Variants in TULP4 observed in about 807,000 individuals in gnomAD.
TULP4 encodes the protein tubby-related protein 4.
Under a neutral mutation model 129.0 loss-of-function variants are expected in TULP4, and 16 were observed. The observed-to-expected ratio is 0.12, with a 90% CI of 0.08 to 0.19. The LOEUF (loss-of-function observed/expected upper bound fraction) is 0.19. Ranked by LOEUF, TULP4 falls within the 10% of genes least tolerant of loss-of-function variation. The pLI is 1.00. For synonymous variants in TULP4, 998 were observed against 854.0 expected, an observed-to-expected ratio of 1.17 and a Z score of -2.94; for missense variants, 1,842 against 2,059.1, an observed-to-expected ratio of 0.89 and a Z score of 2.04.
chr6:158,328,125 T>TGTGC (rs769242005), intron 1 of TULP4, among the ~76,000 whole-genome samples: 3 of 52,172 alleles, frequency 5.8e-5, no homozygotes, highest in Middle Eastern at 0.012. Flanking sequence ...TGTGTGTGTG[T>TGTGC]GTGCGTGCGT....
chr6:158,461,172 G>A (rs1283617117), intron 5 of TULP4, among the ~76,000 whole-genome samples: 2 of 152,202 alleles, frequency 1.3e-5, no homozygotes, highest in Non-Finnish European at 2.9e-5. Flanking sequence ...AGCACTTTGG[G>A]AGGCCAAGGC....
intron 1 of TULP4, among the ~76,000 whole-genome samples, chr6:158,316,399 G>A (rs936762178): frequency 2.0e-5 from 3 of 152,160 alleles, no homozygotes; most frequent in African/African-American, 7.2e-5. Flanking sequence ...TTAGTTGTAA[G>A]GCCAAGAGTA....
upstream of TULP4, among the ~76,000 whole-genome samples, chr6:158,311,248 C>T (rs1371104295): frequency 4.6e-5 from 7 of 152,202 alleles, no homozygotes; most frequent in East Asian, 9.6e-4. Flanking sequence ...CTTCCCTTCC[C>T]TTTCAGTGTC....
At chr6:158,487,582 C>T (rs535289188) in intron 8 of TULP4, among the ~76,000 whole-genome samples, 20 of 152,344 alleles carry the variant, frequency 1.3e-4, no homozygotes, top group African/African-American at 3.4e-4. Flanking sequence ...CATTTTTCTA[C>T]GACTTAGATG....
intron 1 of TULP4, among the ~76,000 whole-genome samples, chr6:158,352,030 T>A (rs1319909271): frequency 6.6e-6 from 1 of 152,036 alleles, no homozygotes; most frequent in Non-Finnish European, 1.5e-5. Context: ...CCCCATTATT[T>A]GTTTAAATAA....
chr6:158,417,385 C>G (rs550915501), intron 2 of TULP4, among the ~76,000 whole-genome samples: 19 of 152,292 alleles, frequency 1.2e-4, no homozygotes, highest in African/African-American at 4.3e-4. Context: ...CTGGAAGCAC[C>G]CAGAATCTCA....
At chr6:158,446,043 A>G (rs978778570) in intron 3 of TULP4, among the ~76,000 whole-genome samples, 6 of 152,358 alleles carry the variant, frequency 3.9e-5, no homozygotes, top group African/African-American at 1.2e-4. Flanking sequence ...ATTAGGGAGC[A>G]GAAGCAGCAG....
chr6:158,256,254 ATTG>A (rs1778239784), intron 1 of TULP4, among the ~76,000 whole-genome samples: 1 of 132,782 alleles, frequency 7.5e-6, no homozygotes, highest in Non-Finnish European at 1.7e-5. Context: ...AACAGCCCAG[ATTG>A]TTTTCTTTTT....
intron 2 of TULP4, among the ~76,000 whole-genome samples, chr6:158,414,345 G>A (rs1042406167): frequency 6.6e-6 from 1 of 152,232 alleles, no homozygotes; most frequent in Non-Finnish European, 1.5e-5. Flanking sequence ...TTAAGAGCAT[G>A]AGCTCTGGAA....
chr6:158,428,716 C>G (rs1450414645), intron 2 of TULP4, among the ~76,000 whole-genome samples: 1 of 151,768 alleles, frequency 6.6e-6, no homozygotes, highest in East Asian at 1.9e-4. Flanking sequence ...GGTAAGGGAC[C>G]AACAGACTCT....
intron 1 of TULP4, among the ~76,000 whole-genome samples, chr6:158,292,849 A>G (rs1778968601): frequency 6.6e-6 from 1 of 152,206 alleles, no homozygotes; most frequent in Non-Finnish European, 1.5e-5. Context: ...GTCTTTTTGA[A>G]TTATATCACC....
intron 1 of TULP4, among the ~76,000 whole-genome samples, chr6:158,236,106 A>G (rs116220743): frequency 0.04 from 6,021 of 152,312 alleles, 129 homozygotes; most frequent in African/African-American, 0.045. Flanking sequence ...ATGGAAAGGT[A>G]TATTCATTTA....
chr6:158,464,715 G>A (rs1439083663), intron 6 of TULP4, among the ~76,000 whole-genome samples: 2 of 152,184 alleles, frequency 1.3e-5, no homozygotes, highest in Admixed American at 6.5e-5. Context: ...TTCTTGTTAT[G>A]CAGATGAAAC....
intron 1 of TULP4, among the ~76,000 whole-genome samples, chr6:158,316,798 T>G (rs997117319): frequency 6.6e-6 from 1 of 152,320 alleles, no homozygotes. Flanking sequence ...GCTCAGGGCC[T>G]TCTTCCAAGC....
intron 3 of TULP4, among the ~76,000 whole-genome samples, chr6:158,440,719 T>A (rs1342020110): frequency 6.6e-6 from 1 of 152,236 alleles, no homozygotes; most frequent in Non-Finnish European, 1.5e-5. Flanking sequence ...CCTCCCACCC[T>A]TCAGGGCTAT....
At chr6:158,287,021 T>G (rs1778846454) in intron 1 of TULP4, among the ~76,000 whole-genome samples, 1 of 152,212 alleles carries the variant, frequency 6.6e-6, no homozygotes. Flanking sequence ...TGAGTTCTTT[T>G]CTAGGTCTGG....
intron 1 of TULP4, among the ~76,000 whole-genome samples, chr6:158,273,922 A>G (rs562492492): frequency 6.6e-6 from 1 of 152,318 alleles, no homozygotes; most frequent in Non-Finnish European, 1.5e-5. Flanking sequence ...AGAAAACTGA[A>G]TTACAGAGAG....
intron 1 of TULP4, among the ~76,000 whole-genome samples, chr6:158,285,330 C>T (rs141546617): frequency 5.3e-5 from 8 of 152,048 alleles, no homozygotes; most frequent in African/African-American, 1.9e-4. Flanking sequence ...TTTATTGTTG[C>T]TGGATTAATC....
chr6:158,314,369 G>C, intron 1 of TULP4, 101 bp downstream of exon 1: 1 of 1,401,398 alleles, frequency 7.1e-7, no homozygotes, highest in Non-Finnish European at 9.7e-7. Context: ...TAGACTTGCT[G>C]CCTAGTGAGA....
Sources: allele counts gnomAD v4.1 joint callset (sites outside exome capture counted in the v4.1 genomes callset), GRCh38; gene constraint gnomAD v4.1.1; transcripts MANE v1.5; gene names NCBI Gene and HGNC (gene_info 2026-07-23, HGNC 2026-07-21).